Variants in PLEKHH2 observed in about 807,000 individuals in gnomAD.
PLEKHH2 encodes the protein pleckstrin homology domain-containing family H member 2.
Under a neutral mutation model 187.9 loss-of-function variants are expected in PLEKHH2, and 129 were observed. That is an observed-to-expected ratio of 0.69 (90% CI 0.59 to 0.79). PLEKHH2 has a LOEUF of 0.79. Ranked by LOEUF, PLEKHH2 falls within the 30% of genes least tolerant of loss-of-function variation. The pLI is 0.00. For missense variants in PLEKHH2, 2,076 were observed against 1,751.2 expected, an observed-to-expected ratio of 1.19 and a Z score of -3.31; for synonymous variants, 686 against 605.6, an observed-to-expected ratio of 1.13 and a Z score of -1.95.
At position 43,712,378 on chromosome 2, in the gene PLEKHH2, A is replaced by G; in HGVS notation, c.2455A>G (p.Thr819Ala). ...CAAACCCACCATGAAGGGATTGCTC[A>G]CTAAGGTAGGAACCTCCTGTGCATA... is the stretch of plus-strand genomic sequence containing the variant. ...EGKPTMKGLL[T>A]KVKHGYSKRV... Residue 819 changes from threonine (T) to alanine (A), a missense_variant, in exon 15 of 30, where the codon ACT becomes GCT. Thr to Ala is a moderately conservative substitution (Grantham distance 58). Transcript: ENST00000282406. 1.2e-6 allele frequency: 2 copies of G among 1,614,052 alleles called. No individual in the cohort carries two copies. Among genetic ancestry groups the G allele is most frequent in the Non-Finnish European group, 1.7e-6 (2 of 1,179,988 alleles).
At chr2:43,682,169 C>G (rs937635708) in intron 3 of PLEKHH2, among the ~76,000 whole-genome samples, 1 of 152,110 alleles carries the variant, frequency 6.6e-6, no homozygotes, top group Admixed American at 6.5e-5. Context: ...AAATCATAAC[C>G]ACAATACCAT....
At chr2:43,686,102 GTTC>G (rs768274179) in intron 3 of PLEKHH2, among the ~76,000 whole-genome samples, 54 of 152,060 alleles carry the variant, frequency 3.6e-4, no homozygotes, top group South Asian at 1.5e-3. Flanking sequence ...TGTAAAGTTA[GTTC>G]TTCTTCTTCT....
In PLEKHH2 at chr2:43,676,070, C is replaced by G; in HGVS notation, c.124-2793C>G. On this transcript the variant is annotated intron_variant, in intron 2 of 29. Coordinates refer to ENST00000282406, the MANE Select transcript of PLEKHH2 (RefSeq NM_172069.4). The stretch of plus-strand genomic sequence containing the variant: ...TTGGTCCAGGTCTCTTTCAGTACAG[C>G]CCAGTAACTCTCATCTTCGGATTCT... The G allele has an allele frequency of 1.2e-6, 2 of 1,613,794 alleles. No individual in the cohort carries two copies. Among genetic ancestry groups the G allele is most frequent in the Non-Finnish European group, 1.7e-6 (2 of 1,179,794 alleles).
intron 2 of PLEKHH2, among the ~76,000 whole-genome samples, chr2:43,647,568 T>C (rs115679801): frequency 1.1e-3 from 163 of 152,256 alleles, no homozygotes; most frequent in African/African-American, 3.7e-3. Context: ...TGTGTATGTA[T>C]GTATGTAGTA....
chr2:43,760,359 C>CTTTTTTTT (rs763777313), intron 27 of PLEKHH2, among the ~76,000 whole-genome samples: 5 of 119,076 alleles, frequency 4.2e-5, no homozygotes, highest in South Asian at 2.7e-4. Flanking sequence ...ACCCTTTAAC[C>CTTTTTTTT]TTTTTTTTTT....
intron 8 of PLEKHH2, among the ~76,000 whole-genome samples, chr2:43,701,826 G>A (rs1404213899): frequency 7.0e-6 from 1 of 142,098 alleles, no homozygotes; most frequent in Non-Finnish European, 1.5e-5. Flanking sequence ...AGAGTGCAAT[G>A]GCGCCATCTC....
At chr2:43,672,178 A>C (rs1421775232) in intron 2 of PLEKHH2, among the ~76,000 whole-genome samples, 1 of 152,196 alleles carries the variant, frequency 6.6e-6, no homozygotes, top group Non-Finnish European at 1.5e-5. Flanking sequence ...GAAGTATTTC[A>C]TAATATTGTT....
intron 16 of PLEKHH2, among the ~76,000 whole-genome samples, chr2:43,722,622 C>G (rs919691): frequency 6.6e-6 from 1 of 152,132 alleles, no homozygotes; most frequent in Non-Finnish European, 1.5e-5. Context: ...TTCCCAATTT[C>G]TCTGTAATTA....
At chr2:43,725,881 C>T (rs1313175293) in intron 16 of PLEKHH2, among the ~76,000 whole-genome samples, 1 of 151,966 alleles carries the variant, frequency 6.6e-6, no homozygotes, top group Non-Finnish European at 1.5e-5. Context: ...GAGGCTGAGG[C>T]AGGAGGATTC....
intron 2 of PLEKHH2, among the ~76,000 whole-genome samples, chr2:43,677,587 C>T (rs1558466467): frequency 1.3e-5 from 2 of 151,672 alleles, no homozygotes; most frequent in East Asian, 3.9e-4. Context: ...AAAAGTCTCC[C>T]ATGTCTACTT....
At chr2:43,715,094 A>G (rs1670149957) in intron 15 of PLEKHH2, among the ~76,000 whole-genome samples, 1 of 151,958 alleles carries the variant, frequency 6.6e-6, no homozygotes, top group African/African-American at 2.4e-5. Context: ...CCTGACCAAC[A>G]TGGTGAAAAC....
Position 43,697,308 on chromosome 2 carries a change from A to G in PLEKHH2, c.640A>G (p.Lys214Glu). 2 of 1,613,860 alleles carry G rather than the reference A, an allele frequency of 1.2e-6. No homozygotes were observed. The highest frequency in any genetic ancestry group is 1.7e-6 in the Non-Finnish European group (2 of 1,179,846). The change falls in exon 7 of 30, where the codon AAG becomes GAG. Residue 214 changes from lysine (K) to glutamate (E), a missense_variant. Lys to Glu is a moderately conservative substitution (Grantham distance 56). Coordinates refer to ENST00000282406, the MANE Select transcript of PLEKHH2 (RefSeq NM_172069.4). Reference sequence around the variant, plus strand: ...AGTAGTAAAATCTGAGGAAATGAGCAAGATATCATCGAAAGAACCTGAGTT... The same window carrying G: ...AGTAGTAAAATCTGAGGAAATGAGCGAGATATCATCGAAAGAACCTGAGTT... ...PQVVKSEEMS[K>E]ISSKEPEFTE...
At chr2:43,645,510 C>T (rs1017951398) in intron 2 of PLEKHH2, among the ~76,000 whole-genome samples, 1 of 152,040 alleles carries the variant, frequency 6.6e-6, no homozygotes, top group African/African-American at 2.4e-5. Flanking sequence ...AGCCACTAGC[C>T]ACATGTGGAT....
At chr2:43,762,618 C>A (rs1312173146) in intron 28 of PLEKHH2, among the ~76,000 whole-genome samples, 3 of 152,078 alleles carry the variant, frequency 2.0e-5, no homozygotes, top group Non-Finnish European at 4.4e-5. Flanking sequence ...AATCTTGATA[C>A]CATGACTAAA....
At chr2:43,644,278 TAAC>T (rs1666084073) in intron 1 of PLEKHH2, among the ~76,000 whole-genome samples, 3 of 152,124 alleles carry the variant, frequency 2.0e-5, no homozygotes, top group Admixed American at 2.0e-4. Context: ...GCTAAAATAA[TAAC>T]ACTCTGTGTT....
At position 43,765,531 on chromosome 2, in the gene PLEKHH2, C is replaced by G; in HGVS notation, c.4415C>G (p.Ala1472Gly). Residue 1472 changes from alanine (A) to glycine (G), a missense_variant, in exon 30 of 30, where the codon GCC becomes GGC. Physicochemically the swap from Ala to Gly is moderately conservative, Grantham distance 60. Coordinates refer to ENST00000282406, the MANE Select transcript of PLEKHH2 (RefSeq NM_172069.4). ...TCAGCCCAGACCCGGGGACCCCAAGCCAGAATGATGGGAAGCCAGCCTCTT... is the reference window on the plus strand; with the variant it reads ...TCAGCCCAGACCCGGGGACCCCAAGGCAGAATGATGGGAAGCCAGCCTCTT... The part of the protein sequence containing the change: ...LLSAQTRGPQ[A>G]RMMGSQPLLS... The G allele has an allele frequency of 6.2e-7, 1 of 1,614,050 alleles. No homozygotes were observed.
chr2:43,638,369 G>A (rs1433122526), intron 1 of PLEKHH2, among the ~76,000 whole-genome samples: 1 of 152,088 alleles, frequency 6.6e-6, no homozygotes, highest in Non-Finnish European at 1.5e-5. Context: ...CTAACGCTGC[G>A]CTTCATCAGG....
chr2:43,682,763 C>G lies in PLEKHH2; in HGVS notation c.186+3838C>G, dbSNP rs574000231. 2.8e-3 allele frequency among the ~76,000 whole-genome samples: 425 copies of G among 152,284 alleles called. 1 individual carries two copies. Among genetic ancestry groups the G allele is most frequent in the Non-Finnish European group, 4.4e-3 (301 of 68,022 alleles). On this transcript the variant is annotated intron_variant, in intron 3 of 29. Coordinates refer to ENST00000282406, the MANE Select transcript of PLEKHH2 (RefSeq NM_172069.4). ...CCACTAGCCCCTGGCAACCACCAAT[C>G]TGCTTTCTGTTGCTATGGATTTACC...
chr2:43,657,013 C>T (rs13026336), intron 2 of PLEKHH2, among the ~76,000 whole-genome samples: 61,572 of 151,954 alleles, frequency 0.41, 12,743 homozygotes, highest in Non-Finnish European at 0.44. Flanking sequence ...GAGCAAAACT[C>T]CGTGTCAAAA....
Sources: allele counts gnomAD v4.1 joint callset (sites outside exome capture counted in the v4.1 genomes callset), GRCh38; gene constraint gnomAD v4.1.1; transcripts MANE v1.5; gene names NCBI Gene and HGNC (gene_info 2026-07-23, HGNC 2026-07-21).